The following AKAP13 variants were observed in gnomAD, a reference collection of about 807,000 sequenced individuals.
AKAP13 encodes the protein A-kinase anchoring protein 13.
In AKAP13, 80 loss-of-function variants were observed where a neutral mutation model predicts 264.5. The observed-to-expected ratio is 0.30, with a 90% confidence interval of 0.25 to 0.36. The LOEUF is 0.36. AKAP13 is among the 10% of genes least tolerant of loss of function. The probability of loss-of-function intolerance (pLI) is 1.00; values close to 1 mark genes in which losing one functional copy is unlikely to be tolerated. For missense variants in AKAP13, 3,712 were observed against 3,435.2 expected, an observed-to-expected ratio of 1.08 and a Z score of -2.01; for synonymous variants, 1,380 against 1,250.2, an observed-to-expected ratio of 1.10 and a Z score of -2.19.
intron 5 of AKAP13, among the ~76,000 whole-genome samples, chr15:85,571,772 G>GAT (rs2078826683): frequency 6.6e-6 from 1 of 152,246 alleles, no homozygotes; most frequent in South Asian, 2.1e-4. Flanking sequence ...TGAATGAATG[G>GAT]ATGATGGGAC....
chr15:85,655,759 G>A lies in AKAP13; in HGVS notation c.4717G>A (p.Ala1573Thr), dbSNP rs1351145062. The change falls in exon 11 of 37, where the codon GCC becomes ACC. Residue 1573 changes from alanine to threonine, a missense_variant. Around this residue, in one of 3 missense-constraint regions of AKAP13, gnomAD observed 2,759 missense variants for 2,411.7 expected, o/e 1.14. Coordinates refer to ENST00000394518, the MANE Select transcript of AKAP13 (RefSeq NM_007200.5). ...RHSWGPGKNA[A>T]SDAEMNHRSS... ...CAGCTGGGGGCCTGGGAAAAATGCA[G>A]CCAGCGATGCAGAAATGAACCACCG... is the stretch of plus-strand genomic sequence containing the variant. 1.2e-6 allele frequency: 2 copies of A among 1,610,946 alleles called. No individual in the cohort carries two copies. Among genetic ancestry groups the A allele is most frequent in the Non-Finnish European group, 8.5e-7 (1 of 1,177,420 alleles).
chr15:85,615,861 T>TC (rs2080912165), intron 8 of AKAP13, among the ~76,000 whole-genome samples: 2 of 152,240 alleles, frequency 1.3e-5, no homozygotes, highest in Non-Finnish European at 2.9e-5. Flanking sequence ...TCTTCAGATA[T>TC]GACCTAGCGT....
chr15:85,552,022 G>A (rs2077975866), intron 5 of AKAP13, among the ~76,000 whole-genome samples: 1 of 152,172 alleles, frequency 6.6e-6, no homozygotes, highest in Non-Finnish European at 1.5e-5. Context: ...AAAAAACTAG[G>A]TGTGTTGAAT....
At chr15:85,670,291 T>C (rs758810117) in intron 14 of AKAP13, among the ~76,000 whole-genome samples, 4 of 152,082 alleles carry the variant, frequency 2.6e-5, no homozygotes, top group African/African-American at 4.8e-5. Flanking sequence ...GAATAAGTTA[T>C]ATCCATAACT....
chr15:85,547,272 G>A (rs1413984712), intron 5 of AKAP13, among the ~76,000 whole-genome samples: 1 of 152,140 alleles, frequency 6.6e-6, no homozygotes, highest in Non-Finnish European at 1.5e-5. Flanking sequence ...TACATTTGTT[G>A]TTTTAATTCC....
chr15:85,473,239 C>T (rs1215129742), intron 1 of AKAP13, among the ~76,000 whole-genome samples: 1 of 151,988 alleles, frequency 6.6e-6, no homozygotes, highest in African/African-American at 2.4e-5. Context: ...GTTTTGTTAA[C>T]TGGGCGCGGG....
chr15:85,497,285 C>T (rs1338191446), intron 2 of AKAP13, among the ~76,000 whole-genome samples: 1 of 152,144 alleles, frequency 6.6e-6, no homozygotes, highest in Admixed American at 6.5e-5. Context: ...GAGGAAGGGG[C>T]TCAGATGCAT....
At chr15:85,530,244 A>G (rs2151183557) in intron 3 of AKAP13, among the ~76,000 whole-genome samples, 1 of 152,244 alleles carries the variant, frequency 6.6e-6, no homozygotes, top group African/African-American at 2.4e-5. Context: ...CTGCCTGAGT[A>G]AACAGTCATT....
chr15:85,600,748 A>G (rs1033868205), intron 8 of AKAP13, among the ~76,000 whole-genome samples: 1 of 152,246 alleles, frequency 6.6e-6, no homozygotes. Context: ...CCTGATGACC[A>G]CAATGAATAA....
intron 11 of AKAP13, among the ~76,000 whole-genome samples, chr15:85,657,729 T>TA (rs397936289): frequency 1.4e-5 from 2 of 145,464 alleles, no homozygotes; most frequent in African/African-American, 5.4e-5. Flanking sequence ...TTTTTTTTTT[T>TA]AAGCATTCAG....
At chr15:85,661,580 G>T (rs2083347617) in intron 12 of AKAP13, among the ~76,000 whole-genome samples, 1 of 152,058 alleles carries the variant, frequency 6.6e-6, no homozygotes, top group Non-Finnish European at 1.5e-5. Context: ...AATTAGCTGG[G>T]TGTGGTGGTG....
chr15:85,594,459 G>A (rs2079719659), intron 8 of AKAP13, among the ~76,000 whole-genome samples: 1 of 152,148 alleles, frequency 6.6e-6, no homozygotes, highest in South Asian at 2.1e-4. Context: ...CCTTTCTAAG[G>A]AAGTTTTTAA....
intron 8 of AKAP13, among the ~76,000 whole-genome samples, chr15:85,601,865 TTA>T (rs2080095036): frequency 6.6e-6 from 1 of 151,952 alleles, no homozygotes; most frequent in Non-Finnish European, 1.5e-5. Context: ...ATTATTAAAA[TTA>T]TATTTTTATA....
In AKAP13 at chr15:85,619,485, T is replaced by G; in HGVS notation, c.4162-19889T>G. 4.1e-6 allele frequency: 4 copies of G among 985,378 alleles called. No individual in the cohort carries two copies. The South Asian group carries it at 1.4e-4, about 35-fold the overall frequency. The allele number at this position is 985,378 out of a possible 1,614,324, so 61.0% of individuals were successfully genotyped here. ...TGAGCAAGAGAGATTCCAAAGACTT[T>G]ACTTTGAAAAGCATCTCCCAGCTTC... On this transcript the variant is annotated intron_variant, in intron 8 of 36. Transcript: ENST00000394518.
At chr15:85,653,406 T>TC (rs1212821931) in intron 10 of AKAP13, among the ~76,000 whole-genome samples, 2 of 152,192 alleles carry the variant, frequency 1.3e-5, no homozygotes, top group Non-Finnish European at 2.9e-5. Flanking sequence ...TGTCCAGTGA[T>TC]CCCCTTGCAT....
intron 34 of AKAP13, chr15:85,740,653 C>T (rs1273110438): frequency 6.2e-6 from 2 of 322,112 alleles, no homozygotes; most frequent in Non-Finnish European, 5.8e-6. Flanking sequence ...TTCCCAGGAA[C>T]ATCCTCAAAT....
intron 1 of AKAP13, among the ~76,000 whole-genome samples, chr15:85,401,626 C>G (rs2150840612): frequency 6.6e-6 from 1 of 152,282 alleles, no homozygotes; most frequent in Non-Finnish European, 1.5e-5. Context: ...TAAACTGTCC[C>G]TTTGAGGTTG....
At chr15:85,435,405 C>T (rs1245075647) in intron 1 of AKAP13, among the ~76,000 whole-genome samples, 1 of 117,786 alleles carries the variant, frequency 8.5e-6, no homozygotes, top group Non-Finnish European at 1.7e-5. Flanking sequence ...GGATATTATC[C>T]AGGAGAACTT....
chr15:85,445,159 A>G (rs1293948008), intron 1 of AKAP13, among the ~76,000 whole-genome samples: 2 of 152,160 alleles, frequency 1.3e-5, no homozygotes, highest in Non-Finnish European at 2.9e-5. Flanking sequence ...TTTGGAATGA[A>G]TGTCCTTATC....
Sources: gnomAD v4.1 joint callset for allele counts (sites outside exome capture counted in the v4.1 genomes callset) on GRCh38, gnomAD v4.1.1 for gene constraint, gnomAD v4.1.1 regional missense constraint, MANE v1.5 for transcripts, NCBI Gene and HGNC (gene_info 2026-07-23, HGNC 2026-07-21) for gene names.